FBXO25: variants seen among roughly 807,000 people sequenced by gnomAD.
FBXO25 encodes F-box protein 25.
FBXO25 carries 45 observed loss-of-function variants against 51.9 expected under a neutral mutation model. The observed-to-expected ratio is 0.87, with a 90% CI of 0.68 to 1.11. FBXO25 has a LOEUF of 1.11. Ranked by LOEUF, FBXO25 falls within the 50% of genes most tolerant of loss-of-function variation. The pLI, the probability that FBXO25 is intolerant of heterozygous loss-of-function variation, is 0.00. For missense variants in FBXO25, 507 were observed against 428.5 expected, an observed-to-expected ratio of 1.18 and a Z score of -1.62; for synonymous variants, 199 against 151.0, an observed-to-expected ratio of 1.32 and a Z score of -2.33.
intron 2 of FBXO25, among the ~76,000 whole-genome samples, chr8:426,401 C>T (rs1797481711): frequency 1.3e-5 from 2 of 152,014 alleles, no homozygotes; most frequent in Admixed American, 6.6e-5. Context: ...TACTACAAAG[C>T]CACTCACGAG....
intron 2 of FBXO25, among the ~76,000 whole-genome samples, chr8:421,470 A>T (rs1797151135): frequency 6.6e-6 from 1 of 152,200 alleles, no homozygotes; most frequent in Admixed American, 6.5e-5. Context: ...CTTGTTTCTC[A>T]TAGGGGCATG....
intron 5 of FBXO25, among the ~76,000 whole-genome samples, 161 bp downstream of exon 5, chr8:435,868 C>T (rs897285394): frequency 7.9e-5 from 12 of 152,194 alleles, no homozygotes; most frequent in Non-Finnish European, 1.8e-4. Context: ...CAGGAGAAAA[C>T]AGTGAGGTTG....
chr8:475,218 T>A lies in FBXO25; in HGVS notation c.*6414T>A, dbSNP rs1025130230. On this transcript the variant is annotated 3_prime_UTR_variant, in exon 10 of 10. Transcript: ENST00000350302. ...AAAAGACTGTCCTTTCTCCCTTGAA[T>A]GGTCTTGGCACCATCAAAAATCATT... 25 of 321,930 alleles carry A rather than the reference T, an allele frequency of 7.8e-5. No individual in the cohort carries two copies. Among genetic ancestry groups the A allele is most frequent in the Non-Finnish European group, 1.2e-4 (21 of 168,848 alleles). 19.9% of individuals were successfully genotyped at this position (321,930 alleles called of 1,614,324 possible).
intron 1 of FBXO25, among the ~76,000 whole-genome samples, chr8:412,764 A>T (rs1309191480): frequency 6.6e-6 from 1 of 152,196 alleles, no homozygotes; most frequent in Admixed American, 6.5e-5. Context: ...GTTTGGAATA[A>T]TATTCCCTAT....
chr8:465,098 G>A (rs1274225502), intron 9 of FBXO25, among the ~76,000 whole-genome samples: 1 of 152,202 alleles, frequency 6.6e-6, no homozygotes, highest in Non-Finnish European at 1.5e-5. Flanking sequence ...TGCAGTAGAA[G>A]CCACAGGCAG....
rs1196545805 is a variant in FBXO25, at chr8:477,409, A to G, written c.*8605A>G. The G allele has an allele frequency of 6.6e-6, 1 of 152,222 alleles. No individual in the cohort carries two copies. The highest frequency in any genetic ancestry group is 1.5e-5 in the Non-Finnish European group (1 of 68,048). 9.4% of individuals were successfully genotyped at this position (152,222 alleles called of 1,614,324 possible). A position where few individuals can be genotyped will look rare whatever the true frequency, so the allele number is the denominator to read the frequency against. ...ATCCATTTCTTCCTTTGATTCTGTC[A>G]ATGTTTGTTTCATATATTTTGGGCT... On this transcript the variant is annotated 3_prime_UTR_variant, in exon 10 of 10. Coordinates refer to ENST00000350302, the MANE Select transcript of FBXO25 (RefSeq NM_183420.2).
At chr8:408,111 T>A (rs1265314814) in intron 1 of FBXO25, among the ~76,000 whole-genome samples, 2 of 152,224 alleles carry the variant, frequency 1.3e-5, no homozygotes, top group African/African-American at 4.8e-5. Flanking sequence ...AGAGTACAAC[T>A]TATTTCTGAC....
chr8:415,694 C>T (rs1274121356), intron 2 of FBXO25, among the ~76,000 whole-genome samples: 1 of 152,160 alleles, frequency 6.6e-6, no homozygotes, highest in Non-Finnish European at 1.5e-5. Flanking sequence ...GAGAAGGACT[C>T]TGAGGGTTCA....
At chr8:439,612 T>C (rs993441512) in intron 5 of FBXO25, among the ~76,000 whole-genome samples, 1 of 152,260 alleles carries the variant, frequency 6.6e-6, no homozygotes, top group African/African-American at 2.4e-5. Context: ...TTGCTTTAGA[T>C]GTAGGCGAAG....
chr8:467,467 G>C (rs76235298), intron 9 of FBXO25, among the ~76,000 whole-genome samples: 2,955 of 152,276 alleles, frequency 0.019, 104 homozygotes, highest in African/African-American at 0.067. Context: ...AAGACTTAAA[G>C]GTAGAGATAT....
intron 6 of FBXO25, 70 bp downstream of exon 6, chr8:450,153 T>G (rs1798990809): frequency 8.9e-7 from 1 of 1,128,184 alleles, no homozygotes; most frequent in East Asian, 2.4e-5. Flanking sequence ...GATGGGATTT[T>G]TCTTTTATCT....
intron 5 of FBXO25, 56 bp from the exon 6 acceptor site, chr8:449,934 T>G: frequency 8.1e-7 from 1 of 1,228,480 alleles, no homozygotes; most frequent in South Asian, 1.3e-5. Flanking sequence ...CACTGTGGTT[T>G]GTAATTCCAT....
chr8:452,499 A>G (rs367801915), intron 7 of FBXO25, among the ~76,000 whole-genome samples: 1 of 152,208 alleles, frequency 6.6e-6, no homozygotes, highest in Non-Finnish European at 1.5e-5. Context: ...AAGTCCTAAC[A>G]TGAGTGGCGA....
chr8:407,997 C>G (rs1459045288), intron 1 of FBXO25, among the ~76,000 whole-genome samples: 3 of 152,164 alleles, frequency 2.0e-5, no homozygotes, highest in Non-Finnish European at 4.4e-5. Flanking sequence ...CCTTACCATC[C>G]GGCCCTAATC....
In FBXO25 at chr8:467,288, C is replaced by T. The variant is rs1486798760; in HGVS notation, c.988-1427C>T. Among the ~76,000 whole-genome samples, 3 of 152,182 alleles carry T rather than the reference C, an allele frequency of 2.0e-5. No homozygotes were observed. In the East Asian group the frequency reaches 5.8e-4, roughly 29 times the overall value. On this transcript the variant is annotated intron_variant, in intron 9 of 9. Coordinates refer to ENST00000350302, the MANE Select transcript of FBXO25 (RefSeq NM_183420.2). Reference sequence around the variant, plus strand: ...TGTGGAATTGACTTAATGTGCATTACTGAGCACAGAGCAGAGCCTTCGGAT... The same window carrying T: ...TGTGGAATTGACTTAATGTGCATTATTGAGCACAGAGCAGAGCCTTCGGAT...
chr8:460,073 C>T (rs1799709599), intron 8 of FBXO25, among the ~76,000 whole-genome samples: 1 of 151,968 alleles, frequency 6.6e-6, no homozygotes, highest in African/African-American at 2.4e-5. Flanking sequence ...GGATTTAGAT[C>T]CTAGGAAAAG....
At chr8:426,546 G>C (rs561557876) in intron 2 of FBXO25, among the ~76,000 whole-genome samples, 3 of 152,114 alleles carry the variant, frequency 2.0e-5, no homozygotes, top group Non-Finnish European at 4.4e-5. Flanking sequence ...GGTGCAGGTA[G>C]GGAGTGTGGT....
chr8:429,096 A>C (rs1018890199), intron 2 of FBXO25, among the ~76,000 whole-genome samples: 15 of 152,084 alleles, frequency 9.9e-5, no homozygotes, highest in Non-Finnish European at 2.2e-4. Context: ...TTCTATGTTT[A>C]ATTTTTTGAA....
At chr8:407,474 C>T (rs901128846) in intron 1 of FBXO25, 7 of 975,822 alleles carry the variant, frequency 7.2e-6, no homozygotes, top group Non-Finnish European at 8.5e-6. Context: ...GCGGGCGAGT[C>T]GGGTGGGCAC....
Sources: gnomAD v4.1 joint callset for allele counts (sites outside exome capture counted in the v4.1 genomes callset) on GRCh38, gnomAD v4.1.1 for gene constraint, MANE v1.5 for transcripts, NCBI Gene and HGNC (gene_info 2026-07-23, HGNC 2026-07-21) for gene names.